NEGR1: variants seen among roughly 807,000 people sequenced by gnomAD.
NEGR1 encodes neuronal growth regulator 1.
In NEGR1, 10 loss-of-function variants were observed where a neutral mutation model predicts 40.9. The observed-to-expected ratio is 0.24, with a 90% CI of 0.15 to 0.42. The LOEUF is 0.42. Ranked by LOEUF, NEGR1 falls within the 10% of genes least tolerant of loss-of-function variation. The probability of loss-of-function intolerance (pLI) is 1.00; values close to 1 mark genes in which losing one functional copy is unlikely to be tolerated. For missense variants in NEGR1, 352 were observed against 438.9 expected, an observed-to-expected ratio of 0.80 and a Z score of 1.77; for synonymous variants, 185 against 166.8, an observed-to-expected ratio of 1.11 and a Z score of -0.84.
intron 5 of NEGR1, among the ~76,000 whole-genome samples, chr1:71,597,432 GTCTCTC>G (rs1158039041): frequency 3.3e-4 from 20 of 60,744 alleles, no homozygotes; most frequent in African/African-American, 1.3e-3. Context: ...ATATATATAT[GTCTCTC>G]TCTCTCTCTC....
chr1:71,611,888 G>A (rs1259427810), intron 4 of NEGR1, among the ~76,000 whole-genome samples: 2 of 152,226 alleles, frequency 1.3e-5, no homozygotes, highest in East Asian at 3.9e-4. Flanking sequence ...TGAGTATCTG[G>A]ATCTCTCATA....
intron 3 of NEGR1, among the ~76,000 whole-genome samples, chr1:71,715,266 A>G (rs563515115): frequency 2.0e-5 from 3 of 152,120 alleles, no homozygotes; most frequent in Non-Finnish European, 4.4e-5. Context: ...AACCCAGGAA[A>G]TCCTTCTTTT....
chr1:72,081,837 A>G (rs1393109015), intron 1 of NEGR1, among the ~76,000 whole-genome samples: 1 of 152,032 alleles, frequency 6.6e-6, no homozygotes, highest in Non-Finnish European at 1.5e-5. Flanking sequence ...AGGTAATCAT[A>G]TCCCTCCCTG....
At chr1:71,877,574 A>G (rs1381843359) in intron 2 of NEGR1, among the ~76,000 whole-genome samples, 2 of 152,144 alleles carry the variant, frequency 1.3e-5, no homozygotes, top group Non-Finnish European at 2.9e-5. Context: ...TTATCTTTTT[A>G]AAGATGGTGT....
At chr1:71,732,758 T>A (rs1342934999) in intron 3 of NEGR1, among the ~76,000 whole-genome samples, 1 of 152,178 alleles carries the variant, frequency 6.6e-6, no homozygotes, top group Non-Finnish European at 1.5e-5. Flanking sequence ...CTTTATGCTA[T>A]TGTACTAAGA....
In NEGR1 at chr1:72,033,402, A is replaced by G. The variant is rs7546282; in HGVS notation, c.177-98091T>C. Among the ~76,000 whole-genome samples, 4 of 152,268 alleles carry G rather than the reference A, an allele frequency of 2.6e-5. No individual in the cohort carries two copies. In the East Asian group the frequency reaches 7.7e-4, roughly 29 times the overall value. Reference sequence around the variant, plus strand: ...CATTACAGTCAAGCTATTACCCTGCAATAATGGAAAGATTTTTTAAAGCAC... The same window carrying G: ...CATTACAGTCAAGCTATTACCCTGCGATAATGGAAAGATTTTTTAAAGCAC... On this transcript the variant is annotated intron_variant, in intron 1 of 6. Coordinates refer to ENST00000357731, the MANE Select transcript of NEGR1 (RefSeq NM_173808.3).
intron 4 of NEGR1, among the ~76,000 whole-genome samples, chr1:71,687,661 T>G (rs1325400483): frequency 6.6e-6 from 1 of 152,222 alleles, no homozygotes; most frequent in Non-Finnish European, 1.5e-5. Flanking sequence ...TGTCAGCCAT[T>G]CTGACAGCTA....
chr1:72,000,214 A>T (rs1406381319), intron 1 of NEGR1, among the ~76,000 whole-genome samples: 3 of 152,066 alleles, frequency 2.0e-5, no homozygotes, highest in African/African-American at 7.2e-5. Flanking sequence ...CTTAAATTTG[A>T]ACTTTGGACA....
At chr1:71,416,368 A>AGTCT (rs1467719009) in intron 6 of NEGR1, among the ~76,000 whole-genome samples, 2 of 152,094 alleles carry the variant, frequency 1.3e-5, no homozygotes, top group Non-Finnish European at 2.9e-5. Flanking sequence ...TATTTTCTGG[A>AGTCT]GTCTGCAACA....
chr1:72,087,076 T>C (rs1648250354), intron 1 of NEGR1, among the ~76,000 whole-genome samples: 1 of 152,150 alleles, frequency 6.6e-6, no homozygotes, highest in Non-Finnish European at 1.5e-5. Flanking sequence ...ATAAACAGGA[T>C]AGATAAATTC....
rs1557439045 is a variant in NEGR1, at chr1:71,928,361, T to TATAC, written c.409+6717_409+6718insGTAT. On this transcript the variant is annotated intron_variant, in intron 2 of 6. Coordinates refer to ENST00000357731, the MANE Select transcript of NEGR1 (RefSeq NM_173808.3). The stretch of plus-strand genomic sequence containing the variant: ...ATATACACACATGTGTATATATATA[T>TATAC]ACACATATGTATATATGTATATATA... 1.5e-4 allele frequency among the ~76,000 whole-genome samples: 13 copies of TATAC among 84,628 alleles called. 2 individuals are homozygous for TATAC. Among genetic ancestry groups the TATAC allele is most frequent in the African/African-American group, 6.4e-4 (12 of 18,708 alleles). The allele number at this position is 84,628 out of a possible 152,430, so 55.5% of individuals were successfully genotyped here.
intron 2 of NEGR1, among the ~76,000 whole-genome samples, chr1:71,795,133 A>G (rs1657275128): frequency 6.6e-6 from 1 of 152,068 alleles, no homozygotes; most frequent in Non-Finnish European, 1.5e-5. Context: ...AAAACAATAT[A>G]AATCTGCAAA....
At chr1:71,782,944 G>T (rs1164388642) in intron 2 of NEGR1, among the ~76,000 whole-genome samples, 3 of 151,422 alleles carry the variant, frequency 2.0e-5, no homozygotes, top group Admixed American at 6.6e-5. Flanking sequence ...ATTTTTAACA[G>T]AATGGTCTGT....
chr1:72,110,898 T>C (rs1175700676), intron 1 of NEGR1, among the ~76,000 whole-genome samples: 1 of 151,590 alleles, frequency 6.6e-6, no homozygotes, highest in Non-Finnish European at 1.5e-5. Context: ...CAAGATACAG[T>C]CAGTCAAAAA....
chr1:71,620,458 G>T (rs1482086483), intron 4 of NEGR1, among the ~76,000 whole-genome samples: 1 of 151,950 alleles, frequency 6.6e-6, no homozygotes, highest in African/African-American at 2.4e-5. Flanking sequence ...TTGTTTCATA[G>T]GAGGAGAGTT....
At chr1:72,093,329 C>CAAAAA (rs11370565) in intron 1 of NEGR1, among the ~76,000 whole-genome samples, 2 of 118,870 alleles carry the variant, frequency 1.7e-5, no homozygotes, top group African/African-American at 8.1e-5. Flanking sequence ...GACTCTGCCT[C>CAAAAA]AAAAAAAAAA....
intron 3 of NEGR1, among the ~76,000 whole-genome samples, chr1:71,714,618 C>T (rs949100660): frequency 3.3e-5 from 5 of 152,158 alleles, no homozygotes; most frequent in Non-Finnish European, 4.4e-5. Flanking sequence ...AACAAAGGGT[C>T]TACATACCAC....
intron 1 of NEGR1, among the ~76,000 whole-genome samples, chr1:71,944,833 C>T (rs1417060143): frequency 1.3e-5 from 2 of 152,086 alleles, no homozygotes; most frequent in Admixed American, 6.6e-5. Context: ...GTTACACAGT[C>T]AACTAATTAA....
chr1:72,165,929 A>C (rs1292750458), intron 1 of NEGR1, among the ~76,000 whole-genome samples: 1 of 151,940 alleles, frequency 6.6e-6, no homozygotes, highest in Non-Finnish European at 1.5e-5. Flanking sequence ...TTATATTTTT[A>C]TTTGTCTGTC....
Sources: allele counts gnomAD v4.1 joint callset (sites outside exome capture counted in the v4.1 genomes callset), GRCh38; gene constraint gnomAD v4.1.1; transcripts MANE v1.5; gene names NCBI Gene and HGNC (gene_info 2026-07-23, HGNC 2026-07-21).